The following TXNRD1 variants were observed in gnomAD, a reference collection of about 807,000 sequenced individuals.
The protein encoded by TXNRD1 is thioredoxin reductase 1.
TXNRD1 carries 57 observed loss-of-function variants against 80.3 expected under a neutral mutation model. The ratio of observed to expected loss-of-function variants is 0.71; its 90% confidence interval spans 0.57 to 0.89. The LOEUF (loss-of-function observed/expected upper bound fraction) is 0.89, where lower values mean the gene tolerates loss of function less well. Ranked by LOEUF, TXNRD1 falls within the 40% of genes least tolerant of loss-of-function variation. The pLI, the probability that TXNRD1 is intolerant of heterozygous loss-of-function variation, is 0.00. For synonymous variants in TXNRD1, 291 were observed against 285.2 expected, an observed-to-expected ratio of 1.02 and a Z score of -0.20; for missense variants, 730 against 803.0, an observed-to-expected ratio of 0.91 and a Z score of 1.10.
intron 14 of TXNRD1, among the ~76,000 whole-genome samples, chr12:104,332,133 A>G (rs1260882984): frequency 6.6e-6 from 1 of 152,164 alleles, no homozygotes; most frequent in African/African-American, 2.4e-5. Context: ...CATTAGTACT[A>G]CTTGTTTCTA....
rs773610515 is a variant in TXNRD1, at chr12:104,258,036, ATC to A, written c.265_266del (p.Leu89ValfsTer8). On this transcript the variant is annotated frameshift_variant, in exon 3 of 17. Transcript: ENST00000525566. LOFTEE classifies it high-confidence loss of function. ...RCTEVKKLFK[S>X]LCVPYFVLEL... ...TCTTCCAGGTAAAGAAGTTATTTAA[ATC>A]TCTGTGTGTTCCTTATTTTGTGCTT... The A allele has an allele frequency of 6.4e-7, 1 of 1,551,122 alleles. No homozygotes were observed. The highest frequency in any genetic ancestry group is 1.2e-5 in the South Asian group (1 of 82,724).
chr12:104,236,182 T>C (rs1042006312), intron 1 of TXNRD1, among the ~76,000 whole-genome samples: 4 of 152,100 alleles, frequency 2.6e-5, no homozygotes, highest in African/African-American at 4.8e-5. Context: ...TAAATCCGAC[T>C]CCTCCCAAAG....
intron 4 of TXNRD1, among the ~76,000 whole-genome samples, chr12:104,309,431 C>T (rs967508419): frequency 6.6e-6 from 1 of 152,142 alleles, no homozygotes; most frequent in Non-Finnish European, 1.5e-5. Context: ...GAATATGTGA[C>T]TTTTCAGCAT....
chr12:104,263,511 C>G (rs1188717208), intron 3 of TXNRD1, among the ~76,000 whole-genome samples: 1 of 152,204 alleles, frequency 6.6e-6, no homozygotes, highest in Non-Finnish European at 1.5e-5. Flanking sequence ...CTACACACAT[C>G]TTGGCTATCC....
intron 3 of TXNRD1, among the ~76,000 whole-genome samples, chr12:104,267,650 T>TTTCCTTCC: frequency 1.8e-5 from 1 of 56,286 alleles, no homozygotes; most frequent in Non-Finnish European, 3.7e-5. Context: ...TGATGGTATC[T>TTTCCTTCC]TTCTTTCTTT....
intron 9 of TXNRD1, among the ~76,000 whole-genome samples, chr12:104,320,527 AT>A (rs1422788298): frequency 6.6e-6 from 1 of 151,998 alleles, no homozygotes; most frequent in African/African-American, 2.4e-5. Flanking sequence ...CCCTTCCAAT[AT>A]TTTTTAAAAA....
intron 1 of TXNRD1, among the ~76,000 whole-genome samples, chr12:104,238,124 C>T (rs1028832321): frequency 3.9e-5 from 6 of 152,074 alleles, no homozygotes; most frequent in Non-Finnish European, 8.8e-5. Context: ...AAAATGCAAG[C>T]GTCATCAAAA....
intron 8 of TXNRD1, 26 bp downstream of exon 8, chr12:104,319,081 T>C (rs2035433078): frequency 1.2e-6 from 1 of 839,474 alleles, no homozygotes; most frequent in Non-Finnish European, 1.6e-6. Flanking sequence ...CCTGACTAGC[T>C]TTTTTTTTTT....
intron 11 of TXNRD1, among the ~76,000 whole-genome samples, chr12:104,325,678 C>A (rs1237760499): frequency 6.6e-6 from 1 of 152,132 alleles, no homozygotes; most frequent in African/African-American, 2.4e-5. Context: ...TCGGGACCAT[C>A]CTGGCCAACG....
intron 5 of TXNRD1, among the ~76,000 whole-genome samples, chr12:104,311,755 C>T (rs1042858526): frequency 2.6e-5 from 4 of 152,038 alleles, no homozygotes; most frequent in South Asian, 2.1e-4. Flanking sequence ...CCGAGGTGGG[C>T]GGATCACCTG....
intron 1 of TXNRD1, among the ~76,000 whole-genome samples, chr12:104,248,571 AGCCACGCGCCTG>A (rs1386969590): frequency 6.6e-6 from 1 of 152,192 alleles, no homozygotes; most frequent in Non-Finnish European, 1.5e-5. Flanking sequence ...GGCGGGTGTG[AGCCACGCGCCTG>A]GCCACACACA....
intron 15 of TXNRD1, among the ~76,000 whole-genome samples, chr12:104,334,817 A>G (rs1268409458): frequency 3.3e-5 from 5 of 152,178 alleles, no homozygotes; most frequent in Admixed American, 3.3e-4. Context: ...CTTCACTGGC[A>G]CAGGGCCCTA....
At chr12:104,265,124 C>A (rs1228005297) in intron 3 of TXNRD1, among the ~76,000 whole-genome samples, 1 of 151,900 alleles carries the variant, frequency 6.6e-6, no homozygotes, top group African/African-American at 2.4e-5. Flanking sequence ...TGGTGGCATG[C>A]GCCTGTAGTC....
chr12:104,218,356 G>A (rs887182628), intron 1 of TXNRD1, among the ~76,000 whole-genome samples: 10 of 151,912 alleles, frequency 6.6e-5, no homozygotes, highest in African/African-American at 1.5e-4. Context: ...AAGCTCACTC[G>A]TTATAATACA....
intron 3 of TXNRD1, chr12:104,287,296 G>T (rs1388880893): frequency 1.2e-6 from 2 of 1,613,888 alleles, no homozygotes; most frequent in Admixed American, 3.3e-5. Context: ...AGGCAGCTTC[G>T]TGGCGTGTGC....
At position 104,303,963 on chromosome 12, in the gene TXNRD1, C is replaced by T. The variant is rs745955695; in HGVS notation, c.415-7327C>T. 3.1e-6 allele frequency: 5 copies of T among 1,602,438 alleles called. No individual in the cohort carries two copies. In the South Asian group the frequency reaches 4.4e-5, roughly 14 times the overall value. Reference sequence around the variant, plus strand: ...AAGATGGATGTGTCAGTGAGGGCCGCGGGCTGCTCCGACGACCTCAGCTCT... The same window carrying T: ...AAGATGGATGTGTCAGTGAGGGCCGTGGGCTGCTCCGACGACCTCAGCTCT... On this transcript the variant is annotated intron_variant, in intron 4 of 16. Coordinates refer to ENST00000525566, the MANE Select transcript of TXNRD1 (RefSeq NM_001093771.3).
rs2036449208 is a variant in TXNRD1, at chr12:104,345,101, CGAA to C, written c.1882-3245_1882-3243del. Among the ~76,000 whole-genome samples the C allele has an allele frequency of 3.3e-5, 5 of 152,046 alleles. 1 individual carries two copies. In the South Asian group the frequency reaches 1.0e-3, roughly 32 times the overall value. ...GTCCATAATGATAGAAGGCTAGAAA[CGAA>C]GAAGAAAGTTTAGAAATTTTAACAA... is the stretch of plus-strand genomic sequence containing the variant. On this transcript the variant is annotated intron_variant, in intron 16 of 16. Transcript: ENST00000525566.
chr12:104,291,018 A>G (rs2034184168), intron 4 of TXNRD1: 2 of 677,652 alleles, frequency 3.0e-6, no homozygotes, highest in South Asian at 1.6e-5. Flanking sequence ...TATGTTGTCC[A>G]GGCTGGTCTT....
Position 104,264,580 on chromosome 12 carries a change from C to T in TXNRD1, c.304+6501C>T, listed in dbSNP as rs530970203. On this transcript the variant is annotated intron_variant, in intron 3 of 16. Transcript: ENST00000525566. ...TACAAAAAATCACATATAATTGCAT[C>T]CAGAGATAGCCACTATTAATATTTT... 1.5e-4 allele frequency among the ~76,000 whole-genome samples: 23 copies of T among 152,166 alleles called. No individual in the cohort carries two copies. The South Asian group carries it at 4.6e-3, about 30-fold the overall frequency.
Sources: allele counts gnomAD v4.1 joint callset (sites outside exome capture counted in the v4.1 genomes callset), GRCh38; gene constraint gnomAD v4.1.1; transcripts MANE v1.5; gene names NCBI Gene and HGNC (gene_info 2026-07-23, HGNC 2026-07-21).